INPP4B: variants seen among roughly 807,000 people sequenced by gnomAD.
The protein encoded by INPP4B is inositol polyphosphate-4-phosphatase type II B, also known as inositol polyphosphate 4-phosphatase type II.
In INPP4B, 55 loss-of-function variants were observed where a neutral mutation model predicts 122.5. The observed-to-expected ratio is 0.45, with a 90% CI of 0.36 to 0.56. The LOEUF is 0.56. INPP4B is among the 20% of genes least tolerant of loss of function. INPP4B has a pLI of 0.00. For missense variants in INPP4B, 1,000 were observed against 1,097.7 expected (o/e 0.91, Z 1.26); for synonymous variants, 403 against 388.7 (o/e 1.04, Z -0.43).
intron 21 of INPP4B, among the ~76,000 whole-genome samples, chr4:142,119,123 G>A (rs1021921406): frequency 4.6e-5 from 7 of 152,068 alleles, no homozygotes; most frequent in South Asian, 2.1e-4. Context: ...TTAGAATGGC[G>A]ATCATTAAAA....
At chr4:142,503,788 G>A (rs1411464708) in intron 2 of INPP4B, among the ~76,000 whole-genome samples, 1 of 151,922 alleles carries the variant, frequency 6.6e-6, no homozygotes, top group African/African-American at 2.4e-5. Flanking sequence ...CACTGGTATA[G>A]AAATAAACAG....
chr4:142,037,300 T>G (rs1454042618), intron 25 of INPP4B, among the ~76,000 whole-genome samples: 1 of 152,186 alleles, frequency 6.6e-6, no homozygotes, highest in African/African-American at 2.4e-5. Context: ...CCAACGTGCA[T>G]GATTTGATGA....
chr4:142,399,161 GTTCTT>G (rs1249658768), intron 7 of INPP4B, among the ~76,000 whole-genome samples: 1 of 94,318 alleles, frequency 1.1e-5, no homozygotes, highest in Non-Finnish European at 2.4e-5. Flanking sequence ...TTATGGTGAT[GTTCTT>G]TTCCTTTCTA....
At chr4:142,756,771 A>C (rs1402778669) in intron 1 of INPP4B, among the ~76,000 whole-genome samples, 1 of 152,118 alleles carries the variant, frequency 6.6e-6, no homozygotes, top group Non-Finnish European at 1.5e-5. Flanking sequence ...GAACTAATGA[A>C]TTTTTAGGAT....
At chr4:142,677,396 G>C (rs1391707270) in intron 2 of INPP4B, among the ~76,000 whole-genome samples, 1 of 152,060 alleles carries the variant, frequency 6.6e-6, no homozygotes, top group Non-Finnish European at 1.5e-5. Context: ...CTGTTGGTTG[G>C]AGTGTAAATT....
intron 16 of INPP4B, 48 bp from the exon 17 acceptor site, chr4:142,160,609 G>A (rs767583957): frequency 4.5e-5 from 64 of 1,411,156 alleles, no homozygotes; most frequent in Non-Finnish European, 6.1e-5. Context: ...AGGCATCTCA[G>A]CATAGAGCTG....
At chr4:142,698,715 T>A (rs1356976891) in intron 2 of INPP4B, among the ~76,000 whole-genome samples, 1 of 152,320 alleles carries the variant, frequency 6.6e-6, no homozygotes, top group African/African-American at 2.4e-5. Flanking sequence ...AGACTTGGTG[T>A]GCAGCTAGTG....
intron 11 of INPP4B, among the ~76,000 whole-genome samples, chr4:142,246,376 T>A (rs1728829215): frequency 6.6e-6 from 1 of 152,176 alleles, no homozygotes; most frequent in Admixed American, 6.5e-5. Context: ...AATCTACAAA[T>A]TACTTTGGGC....
intron 9 of INPP4B, among the ~76,000 whole-genome samples, chr4:142,279,242 C>T (rs1190808780): frequency 1.3e-5 from 2 of 151,868 alleles, no homozygotes; most frequent in Non-Finnish European, 2.9e-5. Flanking sequence ...AAGTCATCTA[C>T]AGATTTAATG....
intron 2 of INPP4B, among the ~76,000 whole-genome samples, chr4:142,664,033 C>G (rs1206605805): frequency 6.6e-6 from 1 of 152,180 alleles, no homozygotes; most frequent in Non-Finnish European, 1.5e-5. Context: ...AATTCATGAA[C>G]TCGATTTCAT....
chr4:142,067,463 C>G (rs1419603847), intron 25 of INPP4B, among the ~76,000 whole-genome samples: 2 of 152,174 alleles, frequency 1.3e-5, no homozygotes, highest in Admixed American at 1.3e-4. Context: ...CGGAACAAAG[C>G]TGGATGGAGA....
At chr4:142,444,959 A>C (rs1812590419) in intron 3 of INPP4B, among the ~76,000 whole-genome samples, 1 of 152,194 alleles carries the variant, frequency 6.6e-6, no homozygotes, top group Non-Finnish European at 1.5e-5. Flanking sequence ...GTGGGAGTTG[A>C]ACAATGAGAA....
chr4:142,541,670 G>A (rs1176354276), intron 2 of INPP4B, among the ~76,000 whole-genome samples: 1 of 152,192 alleles, frequency 6.6e-6, no homozygotes, highest in Non-Finnish European at 1.5e-5. Flanking sequence ...TTTGTTGGTA[G>A]AGAGCGCTGC....
chr4:142,062,581 C>T (rs1034106151), intron 25 of INPP4B, among the ~76,000 whole-genome samples: 1 of 151,880 alleles, frequency 6.6e-6, no homozygotes, highest in Non-Finnish European at 1.5e-5. Flanking sequence ...ATTAAAAATA[C>T]AAAAATTAGC....
intron 23 of INPP4B, among the ~76,000 whole-genome samples, chr4:142,087,188 T>C (rs1777279364): frequency 6.6e-6 from 1 of 152,160 alleles, no homozygotes; most frequent in Admixed American, 6.6e-5. Context: ...CTTCAGACAC[T>C]GCCAGTGTCT....
rs147110593 is a variant in INPP4B, at chr4:142,520,341, C to T, written c.-190-57615G>A. On this transcript the variant is annotated intron_variant, in intron 2 of 25. Coordinates refer to ENST00000262992, the MANE Select transcript of INPP4B (RefSeq NM_001101669.3). ...AAGGGTTAGCTATTCATCATAGGTA[C>T]TAGATCTTTACACATAACTTTAAAA... Among the ~76,000 whole-genome samples, 747 of 151,996 alleles carry T rather than the reference C, an allele frequency of 4.9e-3. 7 individuals are homozygous for T. The highest frequency in any genetic ancestry group is 0.017 in the African/African-American group (717 of 41,528).
At chr4:142,628,045 G>C (rs1181379943) in intron 2 of INPP4B, among the ~76,000 whole-genome samples, 1 of 151,896 alleles carries the variant, frequency 6.6e-6, no homozygotes, top group African/African-American at 2.4e-5. Flanking sequence ...TGCGTACCCA[G>C]CCATCCCATT....
At chr4:142,595,506 T>G (rs980702593) in intron 2 of INPP4B, among the ~76,000 whole-genome samples, 1 of 152,240 alleles carries the variant, frequency 6.6e-6, no homozygotes, top group East Asian at 1.9e-4. Context: ...AGTACAAATG[T>G]ATACAGTTGA....
At chr4:142,629,195 C>T (rs1322797233) in intron 2 of INPP4B, among the ~76,000 whole-genome samples, 1 of 152,066 alleles carries the variant, frequency 6.6e-6, no homozygotes, top group Non-Finnish European at 1.5e-5. Context: ...ATTAAACCTG[C>T]TTCCCAGGGA....
Sources: gnomAD v4.1 joint callset for allele counts (sites outside exome capture counted in the v4.1 genomes callset) on GRCh38, gnomAD v4.1.1 for gene constraint, MANE v1.5 for transcripts, NCBI Gene and HGNC (gene_info 2026-07-23, HGNC 2026-07-21) for gene names.